Variants in GTF3C3 observed in about 807,000 individuals in gnomAD.
GTF3C3 encodes general transcription factor 3C polypeptide 3.
A neutral mutation model predicts 105.2 loss-of-function variants in GTF3C3; 75 were observed. The ratio of observed to expected loss-of-function variants is 0.71; its 90% CI spans 0.59 to 0.86. The LOEUF (loss-of-function observed/expected upper bound fraction) is 0.86, where lower values mean the gene tolerates loss of function less well. Ranked by LOEUF, GTF3C3 falls within the 40% of genes least tolerant of loss-of-function variation. GTF3C3 has a pLI of 0.00. For missense variants in GTF3C3, 856 were observed against 1,076.5 expected (o/e 0.80, Z 2.87); for synonymous variants, 335 against 370.4 (o/e 0.90, Z 1.10).
rs964272985 is a variant in GTF3C3 at position 196,786,240 on chromosome 2, G to T, written c.894-652C>A. On this transcript the variant is annotated intron_variant, in intron 6 of 17. Coordinates refer to ENST00000263956, the MANE Select transcript of GTF3C3 (RefSeq NM_012086.5). This position sits in a 1 kb window ranked among gnomAD's most constrained non-coding sequence, Gnocchi z 4.2. ...GCTATCTTGTAAAAACGCATATTCG[G>T]ATCCAGTAGAGCTGGGGCAGGCCTG... 6.6e-6 allele frequency among the ~76,000 whole-genome samples: 1 copy of T among 152,070 alleles called. No individual in the cohort carries two copies. Among genetic ancestry groups the T allele is most frequent in the African/African-American group, 2.4e-5 (1 of 41,404 alleles).
intron 4 of GTF3C3, among the ~76,000 whole-genome samples, chr2:196,791,041 CTCT>C (rs1473286492): frequency 6.6e-6 from 1 of 151,880 alleles, no homozygotes; most frequent in Non-Finnish European, 1.5e-5. Flanking sequence ...AAAAAGAAAG[CTCT>C]TCAAGTGGCT....
rs1389337245 is a variant in GTF3C3 at position 196,776,926 on chromosome 2, A to G, written c.1391-297T>C. The stretch of plus-strand genomic sequence containing the variant: ...TTTGAATGGTTACATAATCAAACTG[A>G]TTATGTAATTATATCATTTGCCATT... On this transcript the variant is annotated intron_variant, in intron 10 of 17. Transcript: ENST00000263956. The surrounding 1 kb of genome is among the most constrained non-coding windows in gnomAD (Gnocchi z 4.5). Among the ~76,000 whole-genome samples the G allele has an allele frequency of 1.3e-5, 2 of 152,126 alleles. No individual in the cohort carries two copies. The highest frequency in any genetic ancestry group is 1.3e-4 in the Admixed American group (2 of 15,270).
Position 196,764,699 on chromosome 2 carries a change from G to A in GTF3C3, c.2539-14C>T, listed in dbSNP as rs1699030038. 6.2e-7 allele frequency: 1 copy of A among 1,601,756 alleles called. No homozygotes were observed. Among genetic ancestry groups the A allele is most frequent in the Non-Finnish European group, 8.5e-7 (1 of 1,172,422 alleles). ...AAGTTCTATACCCTAGGGAGAAAAAGATACCTTTATGTTTAATATTTCCAA... is the reference window on the plus strand; with the variant it reads ...AAGTTCTATACCCTAGGGAGAAAAAAATACCTTTATGTTTAATATTTCCAA... On this transcript the variant is annotated splice_polypyrimidine_tract_variant and intron_variant, in intron 17 of 17. Coordinates refer to ENST00000263956, the MANE Select transcript of GTF3C3 (RefSeq NM_012086.5).
At chr2:196,781,058 A>G (rs1265366185) in intron 8 of GTF3C3, among the ~76,000 whole-genome samples, 2 of 151,978 alleles carry the variant, frequency 1.3e-5, no homozygotes, top group Non-Finnish European at 2.9e-5. Flanking sequence ...TCATTACAAC[A>G]AAATAATTTT....
Position 196,764,658 on chromosome 2 carries a change from G to T in GTF3C3, c.2566C>A (p.Arg856=). Reference sequence around the variant, plus strand: ...GACAAGTTGTAGGCAATATCTCTTCGTAAGTCTAACTGGTCAAGTTCTATA... The same window carrying T: ...GACAAGTTGTAGGCAATATCTCTTCTTAAGTCTAACTGGTCAAGTTCTATA... ...EGIELDQLDL[R]RDIAYNLSLI... Residue 856 remains arginine, a synonymous_variant, in exon 18 of 18, where the codon CGA becomes AGA. Coordinates refer to ENST00000263956, the MANE Select transcript of GTF3C3 (RefSeq NM_012086.5). The T allele has an allele frequency of 6.2e-7, 1 of 1,611,504 alleles. No homozygotes were observed.
chr2:196,792,196 T>A (rs968768058), intron 3 of GTF3C3, among the ~76,000 whole-genome samples: 14 of 152,274 alleles, frequency 9.2e-5, no homozygotes, highest in Non-Finnish European at 1.6e-4. Flanking sequence ...CTCACTCTGT[T>A]GCCCAGGCTG....
At chr2:196,791,548 T>C in intron 3 of GTF3C3, 88 bp from the exon 4 acceptor site, 1 of 1,185,502 alleles carries the variant, frequency 8.4e-7, no homozygotes, top group East Asian at 2.5e-5. Flanking sequence ...TAGCATATAA[T>C]GAAACTGAAA....
At chr2:196,774,204 G>C (rs746561877) in intron 13 of GTF3C3, among the ~76,000 whole-genome samples, 6 of 152,018 alleles carry the variant, frequency 3.9e-5, no homozygotes, top group African/African-American at 1.2e-4. Flanking sequence ...TTCCTTCTGA[G>C]AATCTATCCT....
chr2:196,788,394 T>C (rs544325192), intron 6 of GTF3C3, among the ~76,000 whole-genome samples: 1 of 152,366 alleles, frequency 6.6e-6, no homozygotes, highest in Admixed American at 6.5e-5. Context: ...TACTTTGTTT[T>C]GCTGCGCAGC....
chr2:196,775,798 A>G (rs1699249944), intron 12 of GTF3C3, among the ~76,000 whole-genome samples: 1 of 152,244 alleles, frequency 6.6e-6, no homozygotes. Flanking sequence ...ACTTTTCTAA[A>G]TATGTACTAG....
intron 9 of GTF3C3, chr2:196,780,237 C>A: frequency 6.2e-6 from 6 of 962,168 alleles, no homozygotes; most frequent in South Asian, 4.6e-5. Flanking sequence ...CAATAATATA[C>A]TTGGTCCAAA....
chr2:196,769,660 A>C (rs1345103862), intron 16 of GTF3C3, among the ~76,000 whole-genome samples: 1 of 152,096 alleles, frequency 6.6e-6, no homozygotes, highest in Non-Finnish European at 1.5e-5. Flanking sequence ...CTGCCAGTGC[A>C]TTCCTCCAGA....
chr2:196,792,536 T>A (rs1446396901), intron 3 of GTF3C3, among the ~76,000 whole-genome samples: 2 of 152,150 alleles, frequency 1.3e-5, no homozygotes, highest in Admixed American at 1.3e-4. Flanking sequence ...TGTGTGTCTG[T>A]GTGTGTGTTA....
chr2:196,791,226 A>G (rs1019792930), intron 4 of GTF3C3, 111 bp downstream of exon 4: 52 of 925,268 alleles, frequency 5.6e-5, no homozygotes, highest in Non-Finnish European at 6.5e-5. Flanking sequence ...TACCACAATC[A>G]CCCTTAAGCT....
intron 2 of GTF3C3, among the ~76,000 whole-genome samples, chr2:196,795,960 T>C (rs576445341): frequency 1.3e-5 from 2 of 152,324 alleles, no homozygotes; most frequent in East Asian, 1.9e-4. Context: ...ATAAAAATTA[T>C]AGTTTAATAT....
At chr2:196,778,823 T>G in intron 10 of GTF3C3, 73 bp downstream of exon 10, 1 of 1,323,818 alleles carries the variant, frequency 7.6e-7, no homozygotes, top group Non-Finnish European at 1.1e-6. Context: ...ATAATAATTA[T>G]TACCATCTTG....
chr2:196,781,359 T>A (rs372358238), intron 8 of GTF3C3, among the ~76,000 whole-genome samples: 8,400 of 61,766 alleles, frequency 0.14, 855 homozygotes, highest in African/African-American at 0.34. Flanking sequence ...AAAAAAAAAA[T>A]ATATATATAT....
chr2:196,786,089 G>A lies in GTF3C3; in HGVS notation c.894-501C>T, dbSNP rs534850743. Among the ~76,000 whole-genome samples, 4 of 152,262 alleles carry A rather than the reference G, an allele frequency of 2.6e-5. No homozygotes were observed. The highest frequency in any genetic ancestry group is 9.6e-5 in the African/African-American group (4 of 41,562). On this transcript the variant is annotated intron_variant, in intron 6 of 17. Coordinates refer to ENST00000263956, the MANE Select transcript of GTF3C3 (RefSeq NM_012086.5). This position sits in a 1 kb window ranked among gnomAD's most constrained non-coding sequence, Gnocchi z 4.2. ...CACCACCACCTGCCCAGCTGACCAT[G>A]TTGACTGGTCTCACTCTAAACTGAT...
At position 196,780,563 on chromosome 2, in the gene GTF3C3, A is replaced by G; in HGVS notation, c.1214T>C (p.Leu405Pro). ...CLVHLNILEP[L>P]NPLLTTLVEQ... ...AGTGCAGATCTTGTTACATACATTAAGTGGTTCAAGAATGTTGAGATGTAC... is the reference window on the plus strand; with the variant it reads ...AGTGCAGATCTTGTTACATACATTAGGTGGTTCAAGAATGTTGAGATGTAC... The change falls in exon 9 of 18, where the codon CTT (leucine) becomes CCT (proline). Residue 405 changes from leucine (L) to proline (P), a missense_variant. Around this residue, in one of 3 missense-constraint regions of GTF3C3, gnomAD observed 605 missense variants for 833.6 expected, o/e 0.73. Coordinates refer to ENST00000263956, the MANE Select transcript of GTF3C3 (RefSeq NM_012086.5). 1 of 1,612,762 alleles carries G rather than the reference A, an allele frequency of 6.2e-7. No individual in the cohort carries two copies. Among genetic ancestry groups the G allele is most frequent in the Non-Finnish European group, 8.5e-7 (1 of 1,179,060 alleles).
Sources: gnomAD v4.1 joint callset for allele counts (sites outside exome capture counted in the v4.1 genomes callset) on GRCh38, gnomAD v4.1.1 for gene constraint, gnomAD v4.1.1 regional missense constraint, Gnocchi (gnomAD v3.1) non-coding constraint, MANE v1.5 for transcripts, NCBI Gene and HGNC (gene_info 2026-07-23, HGNC 2026-07-21) for gene names.